Variants in ZDHHC11B observed in about 807,000 individuals in gnomAD.
ZDHHC11B encodes zDHHC palmitoyltransferase 11B (putative).
A neutral mutation model predicts 42.3 loss-of-function variants in ZDHHC11B; 17 were observed. The ratio of observed to expected loss-of-function variants is 0.40; its 90% CI spans 0.27 to 0.60. ZDHHC11B has a LOEUF of 0.60. Ranked by LOEUF, ZDHHC11B falls within the 20% of genes least tolerant of loss-of-function variation. The pLI, the probability that ZDHHC11B is intolerant of heterozygous loss-of-function variation, is 0.41. For synonymous variants in ZDHHC11B, 123 were observed against 193.5 expected, an observed-to-expected ratio of 0.64 and a Z score of 3.02; for missense variants, 262 against 463.2, an observed-to-expected ratio of 0.57 and a Z score of 3.99.
In ZDHHC11B at chr5:725,248, G is replaced by A. The variant is rs868035913; in HGVS notation, c.1058+5186C>T. Among the ~76,000 whole-genome samples the A allele has an allele frequency of 3.7e-3, 501 of 136,696 alleles. 8 individuals are homozygous for A. Among genetic ancestry groups the A allele is most frequent in the African/African-American group, 0.015 (473 of 31,130 alleles). 89.7% of individuals were successfully genotyped at this position (136,696 alleles called of 152,430 possible). On this transcript the variant is annotated intron_variant, in intron 12 of 13. Transcript: ENST00000508859. ...GCTCTCATCAGACACCGGATCTGCC[G>A]GCGCCTTGAGCTGGGACTTCCCCTG... is the stretch of plus-strand genomic sequence containing the variant.
intron 13 of ZDHHC11B, among the ~76,000 whole-genome samples, chr5:716,145 C>T (rs1741734582): frequency 6.6e-6 from 1 of 150,892 alleles, no homozygotes; most frequent in African/African-American, 2.4e-5. Context: ...TTTTAAGGTA[C>T]AATCATGTCT....
At position 766,980 on chromosome 5, in the gene ZDHHC11B, A is replaced by G. The variant is rs548025156; in HGVS notation, c.1-61T>C. The G allele has an allele frequency of 1.3e-5, 21 of 1,563,368 alleles. 2 individuals carry two copies. In the South Asian group the frequency reaches 2.4e-4, roughly 18 times the overall value. On this transcript the variant is annotated intron_variant, in intron 3 of 13. Coordinates refer to ENST00000508859, the MANE Select transcript of ZDHHC11B (RefSeq NM_001351303.2). ...GCTCCGGGGAGGGCCGGCCCCACCC[A>G]CTGTCAGGGAGACCACGGGGACTGG...
At position 733,859 on chromosome 5, in the gene ZDHHC11B, G is replaced by C; in HGVS notation, c.936-20C>G. ...TTGACTCTGGTGGGACAGGAAGGAG[G>C]AGAGAAACTCATCTCAGCTTTGTGG... On this transcript the variant is annotated intron_variant, in intron 10 of 13. Transcript: ENST00000508859. The C allele has an allele frequency of 6.3e-7, 1 of 1,595,574 alleles. No homozygotes were observed. The highest frequency in any genetic ancestry group is 8.5e-7 in the Non-Finnish European group (1 of 1,169,972).
intron 9 of ZDHHC11B, among the ~76,000 whole-genome samples, chr5:743,594 G>C (rs1311789721): frequency 6.7e-6 from 1 of 149,506 alleles, no homozygotes; most frequent in Non-Finnish European, 1.5e-5. Flanking sequence ...CTCAGTCATG[G>C]TGTGTAGCTT....
chr5:762,939 C>T (rs1172548509), intron 4 of ZDHHC11B, among the ~76,000 whole-genome samples: 1 of 151,700 alleles, frequency 6.6e-6, no homozygotes, highest in Non-Finnish European at 1.5e-5. Context: ...TAGGAAGACA[C>T]AAATGGCCAG....
intron 1 of ZDHHC11B, among the ~76,000 whole-genome samples, chr5:775,941 C>T (rs1490334472): frequency 6.9e-6 from 1 of 144,414 alleles, no homozygotes; most frequent in African/African-American, 2.6e-5. Context: ...CCAGGCCCTG[C>T]AGGTGGGAGT....
At chr5:776,063 A>G (rs1736452452) in intron 1 of ZDHHC11B, among the ~76,000 whole-genome samples, 1 of 149,756 alleles carries the variant, frequency 6.7e-6, no homozygotes. Flanking sequence ...GGCTCTTCAG[A>G]ACCTTTACGC....
intron 4 of ZDHHC11B, among the ~76,000 whole-genome samples, chr5:761,413 G>A (rs1263717925): frequency 1.3e-5 from 2 of 151,864 alleles, no homozygotes; most frequent in African/African-American, 4.8e-5. Flanking sequence ...CCAGGCTTTG[G>A]GGGTATGGGG....
At chr5:749,293 T>TG (rs1360952629) in intron 7 of ZDHHC11B, among the ~76,000 whole-genome samples, 1 of 130,608 alleles carries the variant, frequency 7.7e-6, no homozygotes, top group Non-Finnish European at 1.7e-5. Flanking sequence ...GACACTGGGC[T>TG]GCCAACACTC....
chr5:766,168 C>T (rs377669732), intron 4 of ZDHHC11B, among the ~76,000 whole-genome samples: 6 of 151,942 alleles, frequency 3.9e-5, no homozygotes, highest in Admixed American at 6.6e-5. Context: ...GGCTCCCACC[C>T]GCTGGAAGAT....
intron 1 of ZDHHC11B, among the ~76,000 whole-genome samples, chr5:774,168 G>C (rs1736277211): frequency 6.6e-6 from 1 of 152,076 alleles, no homozygotes; most frequent in Admixed American, 6.6e-5. Context: ...AGGCCCCACG[G>C]AAAATCACCT....
chr5:762,516 G>T (rs1299106031), intron 4 of ZDHHC11B, among the ~76,000 whole-genome samples: 2 of 151,748 alleles, frequency 1.3e-5, no homozygotes, highest in South Asian at 2.1e-4. Context: ...AACTTTAGCT[G>T]CACAAGGCAC....
intron 7 of ZDHHC11B, among the ~76,000 whole-genome samples, chr5:750,756 G>A (rs2127087495): frequency 7.8e-6 from 1 of 128,492 alleles, no homozygotes; most frequent in Non-Finnish European, 1.7e-5. Context: ...CTCCCCATGG[G>A]CTGCTCCTGC....
intron 12 of ZDHHC11B, among the ~76,000 whole-genome samples, chr5:728,237 A>T (rs1467663851): frequency 3.3e-5 from 5 of 151,996 alleles, no homozygotes; most frequent in Non-Finnish European, 5.9e-5. Flanking sequence ...AACTAAAAAT[A>T]CCTTGCTAAT....
chr5:715,487 C>T (rs1741682334), intron 13 of ZDHHC11B, among the ~76,000 whole-genome samples: 1 of 149,766 alleles, frequency 6.7e-6, no homozygotes, highest in South Asian at 2.1e-4. Flanking sequence ...TTTACAGCAC[C>T]AATTTACTTC....
At chr5:713,071 A>G (rs1407397652) in intron 13 of ZDHHC11B, among the ~76,000 whole-genome samples, 2 of 150,974 alleles carry the variant, frequency 1.3e-5, no homozygotes, top group African/African-American at 4.9e-5. Context: ...ATTCTCAGCC[A>G]AATCTCCTTA....
intron 7 of ZDHHC11B, among the ~76,000 whole-genome samples, chr5:749,478 C>A (rs1333995612): frequency 7.7e-6 from 1 of 129,894 alleles, no homozygotes; most frequent in African/African-American, 2.5e-5. Flanking sequence ...CCTAGATGGC[C>A]CGACGGGACA....
chr5:777,825 C>A (rs1361617885), intron 1 of ZDHHC11B, among the ~76,000 whole-genome samples: 1 of 151,982 alleles, frequency 6.6e-6, no homozygotes, highest in Admixed American at 6.6e-5. Flanking sequence ...GCCACGCGCC[C>A]GCACTCCTCA....
chr5:748,576 G>C lies in ZDHHC11B; in HGVS notation c.629-17C>G. The C allele has an allele frequency of 1.5e-5, 20 of 1,359,230 alleles. 4 individuals are homozygous for C. The highest frequency in any genetic ancestry group is 1.8e-5 in the Non-Finnish European group (18 of 1,022,770). 84.2% of individuals were successfully genotyped at this position (1,359,230 alleles called of 1,614,324 possible). On this transcript the variant is annotated splice_polypyrimidine_tract_variant and intron_variant, in intron 7 of 13. Transcript: ENST00000508859. ...TCTTGACATCTGGGGAGACAAGGGA[G>C]AGACACTGTGTCCAGCACCTGCTGA...
Sources: gnomAD v4.1 joint callset for allele counts (sites outside exome capture counted in the v4.1 genomes callset) on GRCh38, gnomAD v4.1.1 for gene constraint, MANE v1.5 for transcripts, NCBI Gene and HGNC (gene_info 2026-07-23, HGNC 2026-07-21) for gene names.